ANKRD26: variants seen among roughly 807,000 people sequenced by gnomAD.
The protein encoded by ANKRD26 is ankyrin repeat domain 26.
ANKRD26 carries 141 observed loss-of-function variants against 208.7 expected under a neutral mutation model. That is an observed-to-expected ratio of 0.68 (90% CI 0.59 to 0.78). ANKRD26 has a LOEUF of 0.78. ANKRD26 is among the 30% of genes least tolerant of loss of function. The pLI, the probability that ANKRD26 is intolerant of heterozygous loss-of-function variation, is 0.00. For missense variants in ANKRD26, 1,889 were observed against 1,938.7 expected (o/e 0.97, Z 0.48); for synonymous variants, 636 against 660.4 (o/e 0.96, Z 0.57).
chr10:27,045,838 T>C (rs1393149130), intron 18 of ANKRD26, among the ~76,000 whole-genome samples: 5 of 152,214 alleles, frequency 3.3e-5, no homozygotes, highest in Non-Finnish European at 4.4e-5. Flanking sequence ...ATACTCCATT[T>C]TTGAAACAAT....
chr10:26,949,754 C>T, the ANKRD26 span, among the ~76,000 whole-genome samples: 2 of 152,184 alleles, frequency 1.3e-5, no homozygotes, highest in African/African-American at 2.4e-5. Context: ...CCACCCTCCT[C>T]GACCTCCCAA....
intron 32 of ANKRD26, among the ~76,000 whole-genome samples, chr10:27,012,529 T>G (rs1262812803): frequency 2.6e-5 from 4 of 152,120 alleles, no homozygotes; most frequent in African/African-American, 9.7e-5. Context: ...TATCAGAAAT[T>G]TGAGGCTGGG....
rs1195237484 is a variant in ANKRD26, at chr10:26,995,222, G to A, written c.563-75C>T. ...TTTGGAGATAAAAGCAAAACTTCAC[G>A]GAGGTTAACCTATTGACAGGTGTTG... On this transcript the variant is annotated intron_variant, in intron 4 of 5. Coordinates refer to the ANKRD26 transcript ENST00000445828. 1.9e-5 allele frequency: 9 copies of A among 469,404 alleles called. No homozygotes were observed. In the East Asian group the frequency reaches 2.1e-4, roughly 11 times the overall value. The allele number at this position is 469,404 out of a possible 1,614,324, so 29.1% of individuals were successfully genotyped here.
intron 15 of ANKRD26, among the ~76,000 whole-genome samples, chr10:27,054,561 A>G (rs922746484): frequency 5.3e-5 from 8 of 152,048 alleles, no homozygotes; most frequent in Admixed American, 3.9e-4. Flanking sequence ...CTCCACTGAG[A>G]CTCCATCACA....
intron 4 of ANKRD26, among the ~76,000 whole-genome samples, chr10:26,997,050 C>T (rs2052609053): frequency 6.7e-6 from 1 of 150,320 alleles, no homozygotes; most frequent in African/African-American, 2.4e-5. Context: ...CAAAAAAAAT[C>T]CACCTTTTGA....
chr10:27,018,676 A>C (rs566953184), intron 29 of ANKRD26, among the ~76,000 whole-genome samples: 2 of 152,304 alleles, frequency 1.3e-5, no homozygotes, highest in East Asian at 3.9e-4. Context: ...GAACCTAGAA[A>C]TAAATTCGTG....
chr10:27,069,087 C>T (rs1279088937), intron 9 of ANKRD26, among the ~76,000 whole-genome samples: 7 of 148,950 alleles, frequency 4.7e-5, no homozygotes, highest in Non-Finnish European at 8.9e-5. Context: ...CCTGGCTACT[C>T]GGGAGGCTGA....
intron 31 of ANKRD26, among the ~76,000 whole-genome samples, chr10:27,013,937 CT>C (rs944788672): frequency 2.6e-5 from 4 of 152,114 alleles, no homozygotes; most frequent in Admixed American, 6.5e-5. Flanking sequence ...ATATACTTCC[CT>C]TCATCCCTAC....
At position 27,091,692 on chromosome 10, in the gene ANKRD26, T is replaced by C. The variant is rs1009772355; in HGVS notation, c.638+714A>G. Among the ~76,000 whole-genome samples the C allele has an allele frequency of 1.2e-4, 18 of 152,112 alleles. 1 individual carries two copies. Among genetic ancestry groups the C allele is most frequent in the African/African-American group, 3.9e-4 (16 of 41,440 alleles). On this transcript the variant is annotated intron_variant, in intron 4 of 33. Coordinates refer to ENST00000376087, the MANE Select transcript of ANKRD26 (RefSeq NM_014915.3). ...CATAAAAGGGTGAAGAAGTTCAATA[T>C]TGAGTTAAAAAGTGGCCGGGCGCAG...
chr10:27,032,916 C>A lies in ANKRD26; in HGVS notation c.3807+309G>T, dbSNP rs2368204. ...GAAACCTCGTCTCTACTAAAAAAAA[C>A]CACAAAAAATTAGCCAGGTGTGGCG... On this transcript the variant is annotated intron_variant, in intron 25 of 33. Transcript: ENST00000376087. Among the ~76,000 whole-genome samples, 122,634 of 151,204 alleles carry A rather than the reference C, an allele frequency of 0.81. 50,046 individuals carry two copies. Among genetic ancestry groups the A allele is most frequent in the East Asian group, 0.99 (5,060 of 5,114 alleles).
At chr10:27,026,488 G>GA (rs1322279954) in intron 27 of ANKRD26, among the ~76,000 whole-genome samples, 3 of 151,848 alleles carry the variant, frequency 2.0e-5, no homozygotes, top group South Asian at 4.1e-4. Flanking sequence ...ATGAAATCTA[G>GA]AAAAAAAACT....
At chr10:27,067,688 A>T (rs751621181) in intron 9 of ANKRD26, among the ~76,000 whole-genome samples, 22 of 152,264 alleles carry the variant, frequency 1.4e-4, no homozygotes, top group Non-Finnish European at 3.1e-4. Context: ...GGACAGGACC[A>T]ATGGGGATGG....
chr10:27,010,091 C>A (rs1024258050), intron 32 of ANKRD26, among the ~76,000 whole-genome samples: 2 of 146,868 alleles, frequency 1.4e-5, no homozygotes, highest in African/African-American at 5.5e-5. Flanking sequence ...GAGAGCTCTA[C>A]TTCTATCTGT....
chr10:27,093,578 C>A, intron 2 of ANKRD26, 56 bp from the exon 3 acceptor site: 1 of 1,604,574 alleles, frequency 6.2e-7, no homozygotes. Flanking sequence ...AAAATAAACA[C>A]TCCACAGGTT....
chr10:27,085,586 T>G (rs1159199171), intron 5 of ANKRD26, among the ~76,000 whole-genome samples: 1 of 152,220 alleles, frequency 6.6e-6, no homozygotes, highest in African/African-American at 2.4e-5. Flanking sequence ...CTATTGGTAT[T>G]GGTGCACACT....
chr10:27,051,166 G>A, intron 16 of ANKRD26: 1 of 1,289,986 alleles, frequency 7.8e-7, no homozygotes, highest in Non-Finnish European at 1.0e-6. Context: ...TCTTCTTTTA[G>A]AGATACTTTT....
At chr10:26,958,560 G>A in the ANKRD26 span, among the ~76,000 whole-genome samples, 7 of 152,056 alleles carry the variant, frequency 4.6e-5, no homozygotes, top group Admixed American at 1.3e-4. Flanking sequence ...GAGAAGGTGC[G>A]GTCTTTGGTT....
intron 1 of ANKRD26, among the ~76,000 whole-genome samples, chr10:27,097,202 G>A (rs1453250215): frequency 6.6e-6 from 1 of 151,130 alleles, no homozygotes; most frequent in Non-Finnish European, 1.5e-5. Flanking sequence ...AAGGCCAGGC[G>A]CGGTGGCTCA....
chr10:27,051,745 G>A lies in ANKRD26; in HGVS notation c.1635+1575C>T, dbSNP rs868509116. The A allele has an allele frequency of 1.7e-5, 17 of 985,228 alleles. No homozygotes were observed. In the Middle Eastern group the frequency reaches 3.1e-3, roughly 180 times the overall value. 61.0% of individuals were successfully genotyped at this position (985,228 alleles called of 1,614,324 possible). Reference sequence around the variant, plus strand: ...AATGCCTGGAATAGTACAGAGACAGGAGAATCTTTTTCATCGCAATCAAGT... The same window carrying A: ...AATGCCTGGAATAGTACAGAGACAGAAGAATCTTTTTCATCGCAATCAAGT... On this transcript the variant is annotated intron_variant, in intron 16 of 33. Coordinates refer to ENST00000376087, the MANE Select transcript of ANKRD26 (RefSeq NM_014915.3).
Sources: gnomAD v4.1 joint callset for allele counts (sites outside exome capture counted in the v4.1 genomes callset) on GRCh38, gnomAD v4.1.1 for gene constraint, MANE v1.5 for transcripts, NCBI Gene and HGNC (gene_info 2026-07-23, HGNC 2026-07-21) for gene names.